LPAR3: variants seen among roughly 807,000 people sequenced by gnomAD.
LPAR3 encodes lysophosphatidic acid receptor 3.
A neutral mutation model predicts 17.8 loss-of-function variants in LPAR3; 7 were observed. The observed-to-expected ratio is 0.39, with a 90% CI of 0.22 to 0.74. LPAR3 has a LOEUF of 0.74. Ranked by LOEUF, LPAR3 falls within the 30% of genes least tolerant of loss-of-function variation. LPAR3 has a pLI of 0.40. For missense variants in LPAR3, 391 were observed against 453.4 expected (o/e 0.86, Z 1.25); for synonymous variants, 179 against 179.9 (o/e 0.99, Z 0.04).
chr1:84,826,814 T>C (rs1483620656), intron 2 of LPAR3, among the ~76,000 whole-genome samples: 1 of 152,204 alleles, frequency 6.6e-6, no homozygotes, highest in Non-Finnish European at 1.5e-5. Flanking sequence ...TTTTACCTCT[T>C]CCTTACATCT....
chr1:84,890,636 A>C (rs1247406438), intron 1 of LPAR3, among the ~76,000 whole-genome samples: 1 of 152,226 alleles, frequency 6.6e-6, no homozygotes, highest in African/African-American at 2.4e-5. Context: ...GGTCTCTGCC[A>C]TCTAGAATCC....
chr1:84,814,364 C>T (rs1167646570), intron 2 of LPAR3, among the ~76,000 whole-genome samples, 193 bp from the exon 3 acceptor site: 3 of 152,182 alleles, frequency 2.0e-5, no homozygotes, highest in African/African-American at 7.2e-5. Flanking sequence ...GTGGGAACCT[C>T]CTTGACTATC....
At chr1:84,824,748 A>G (rs748448326) in intron 2 of LPAR3, among the ~76,000 whole-genome samples, 1 of 152,212 alleles carries the variant, frequency 6.6e-6, no homozygotes, top group Non-Finnish European at 1.5e-5. Context: ...CTTCTTAGGC[A>G]ACTTATAAGC....
At chr1:84,830,769 T>C (rs984153602) in intron 2 of LPAR3, among the ~76,000 whole-genome samples, 4 of 152,120 alleles carry the variant, frequency 2.6e-5, no homozygotes, top group African/African-American at 9.7e-5. Context: ...CCTGCCAGGA[T>C]TTCATGTAGA....
chr1:84,812,463 C>T lies in LPAR3; in HGVS notation c.*1383G>A, dbSNP rs926611020. ...TTTTTTTTTTTGAGACAGAGTCTTG[C>T]TCTGTCACCCAGACTAGAGTGCAGT... On this transcript the variant is annotated 3_prime_UTR_variant, in exon 3 of 3. Transcript: ENST00000370611. 1.2e-4 allele frequency: 14 copies of T among 119,698 alleles called. No homozygotes were observed. Among genetic ancestry groups the T allele is most frequent in the African/African-American group, 4.2e-4 (13 of 31,170 alleles). The allele number at this position is 119,698 out of a possible 1,614,324, so 7.4% of individuals were successfully genotyped here. A position where few individuals can be genotyped will look rare whatever the true frequency, so the allele number is the denominator to read the frequency against.
At chr1:84,853,750 C>A (rs569487519) in intron 2 of LPAR3, among the ~76,000 whole-genome samples, 1 of 152,280 alleles carries the variant, frequency 6.6e-6, no homozygotes, top group South Asian at 2.1e-4. Context: ...GTGATCTCTC[C>A]CTCTCCAACC....
intron 2 of LPAR3, among the ~76,000 whole-genome samples, chr1:84,845,282 C>T (rs1024572957): frequency 1.3e-5 from 2 of 152,192 alleles, no homozygotes; most frequent in East Asian, 1.9e-4. Context: ...TTCTTGTTAG[C>T]ATTCTACCTG....
At chr1:84,819,042 C>G (rs1351185116) in intron 2 of LPAR3, among the ~76,000 whole-genome samples, 1 of 152,058 alleles carries the variant, frequency 6.6e-6, no homozygotes, top group Non-Finnish European at 1.5e-5. Context: ...TATTAAATCT[C>G]GACTTACATG....
chr1:84,813,339 C>G lies in LPAR3; in HGVS notation c.*507G>C, dbSNP rs1033985310. ...TAATCTGGAGCTCTTACTGATTTTT[C>G]TTTGATTCCTACTGAACACCTAGCT... On this transcript the variant is annotated 3_prime_UTR_variant, in exon 3 of 3. Transcript: ENST00000370611. The G allele has an allele frequency of 4.0e-5, 6 of 151,882 alleles. No homozygotes were observed. Among genetic ancestry groups the G allele is most frequent in the African/African-American group, 1.5e-4 (6 of 41,192 alleles). 9.4% of individuals were successfully genotyped at this position (151,882 alleles called of 1,614,324 possible).
intron 2 of LPAR3, among the ~76,000 whole-genome samples, chr1:84,826,552 T>C (rs1269731850): frequency 6.6e-6 from 1 of 152,008 alleles, no homozygotes. Context: ...AACAGTGACA[T>C]ACTATACAGC....
chr1:84,869,564 CA>C lies in LPAR3; in HGVS notation c.-18-3427del, dbSNP rs1051741635. ...TTGCTTTAATATACAATACACATAA[CA>C]AAAATTTATTTGTGTTGACTATATA... is the stretch of plus-strand genomic sequence containing the variant. On this transcript the variant is annotated intron_variant, in intron 1 of 2. Transcript: ENST00000370611. Among the ~76,000 whole-genome samples the C allele has an allele frequency of 4.7e-4, 71 of 152,012 alleles. 1 individual carries two copies. The highest frequency in any genetic ancestry group is 8.1e-4 in the Non-Finnish European group (55 of 67,950).
rs1048289373 is a variant in LPAR3, at chr1:84,884,304, A to G, written c.-19+8712T>C. 7.2e-5 allele frequency among the ~76,000 whole-genome samples: 11 copies of G among 152,326 alleles called. No homozygotes were observed. The South Asian group carries it at 1.2e-3, about 17-fold the overall frequency. On this transcript the variant is annotated intron_variant, in intron 1 of 2. Transcript: ENST00000370611. Reference sequence around the variant, plus strand: ...CCTTTGTTTGGTGTACTCTCGTGGCAAGACTGCTGGTGAGTATACCCTTTC... The same window carrying G: ...CCTTTGTTTGGTGTACTCTCGTGGCGAGACTGCTGGTGAGTATACCCTTTC...
chr1:84,814,218 C>T (rs1374659451), intron 2 of LPAR3, 47 bp from the exon 3 acceptor site: 5 of 1,510,594 alleles, frequency 3.3e-6, no homozygotes. Context: ...CCTTAGGGGA[C>T]TTATTCAGGT....
intron 2 of LPAR3, among the ~76,000 whole-genome samples, chr1:84,818,637 A>T (rs1279015714): frequency 1.3e-5 from 2 of 152,220 alleles, no homozygotes; most frequent in Non-Finnish European, 2.9e-5. Context: ...TTACCACCCA[A>T]CTTAAAGAAC....
chr1:84,832,433 T>C (rs1228012954), intron 2 of LPAR3, among the ~76,000 whole-genome samples: 2 of 152,098 alleles, frequency 1.3e-5, no homozygotes. Flanking sequence ...AGGCAATAAA[T>C]GACACATATT....
intron 1 of LPAR3, among the ~76,000 whole-genome samples, chr1:84,876,738 A>G (rs1193088261): frequency 6.6e-6 from 1 of 152,252 alleles, no homozygotes; most frequent in African/African-American, 2.4e-5. Context: ...TAATAACAAC[A>G]AAAACTGTTA....
Position 84,813,184 on chromosome 1 carries a change from CAT to C in LPAR3, c.*660_*661del, listed in dbSNP as rs1462850444. The C allele has an allele frequency of 5.4e-5, 7 of 130,534 alleles. No individual in the cohort carries two copies. The highest frequency in any genetic ancestry group is 8.9e-5 in the African/African-American group (3 of 33,814). 8.1% of individuals were successfully genotyped at this position (130,534 alleles called of 1,614,324 possible). A position where few individuals can be genotyped will look rare whatever the true frequency, so the allele number is the denominator to read the frequency against. ...AGACACACACACACACACACACACA[CAT>C]GCATATACACACACATGCATGGAGG... On this transcript the variant is annotated 3_prime_UTR_variant, in exon 3 of 3. Transcript: ENST00000370611.
chr1:84,838,495 T>C (rs1236173455), intron 2 of LPAR3, among the ~76,000 whole-genome samples: 1 of 152,172 alleles, frequency 6.6e-6, no homozygotes, highest in Admixed American at 6.5e-5. Context: ...TCCCAACATG[T>C]GAAAAATCAG....
intron 1 of LPAR3, among the ~76,000 whole-genome samples, chr1:84,874,681 A>C (rs6576726): frequency 0.67 from 102,277 of 152,006 alleles, 34,715 homozygotes; most frequent in African/African-American, 0.73. Flanking sequence ...AAATTTTAAT[A>C]TTTGTCTAAC....
Sources: allele counts gnomAD v4.1 joint callset (sites outside exome capture counted in the v4.1 genomes callset), GRCh38; gene constraint gnomAD v4.1.1; transcripts MANE v1.5; gene names NCBI Gene and HGNC (gene_info 2026-07-23, HGNC 2026-07-21).